UGT2A3: variants seen among roughly 807,000 people sequenced by gnomAD.
UGT2A3 encodes the protein UDP-glucuronosyltransferase 2A3.
UGT2A3 carries 55 observed loss-of-function variants against 44.1 expected under a neutral mutation model. That is an observed-to-expected ratio of 1.25 (90% CI 1.00 to 1.56). UGT2A3 has a LOEUF of 1.56. Among genes scored for constraint, UGT2A3 ranks in the 40% most tolerant of loss-of-function variants. UGT2A3 has a pLI of 0.00. For missense variants in UGT2A3, 733 were observed against 621.6 expected, an observed-to-expected ratio of 1.18 and a Z score of -1.91; for synonymous variants, 243 against 215.1, an observed-to-expected ratio of 1.13 and a Z score of -1.13.
rs751866419 is a variant in UGT2A3 at position 68,951,296 on chromosome 4, T to G, written c.465A>C (p.Gly155=). Residue 155 remains glycine, a synonymous_variant, in exon 1 of 6, where the codon GGA becomes GGC. Coordinates refer to ENST00000251566, the MANE Select transcript of UGT2A3 (RefSeq NM_024743.4). ...CTGCAAGCAACTCAGCCATCAGGTC[T>G]CCACAGGGAATCACAGGGTCTATAA... ...VMLIDPVIPC[G]DLMAELLAVP... 2.5e-6 allele frequency: 4 copies of G among 1,612,132 alleles called. No homozygotes were observed. The Admixed American group carries it at 6.7e-5, about 27-fold the overall frequency.
rs371361591 is a variant in UGT2A3 at position 68,947,358 on chromosome 4, G to A, written c.716-1904C>T. On this transcript the variant is annotated intron_variant, in intron 1 of 5. Transcript: ENST00000251566. ...ACTGTTTAAAAAGCACCTCCTCACC[G>A]GTTTTACAGGTTTTAGTTTTATCAT... Among the ~76,000 whole-genome samples the A allele has an allele frequency of 1.3e-4, 19 of 151,722 alleles. No individual in the cohort carries two copies. In the South Asian group the frequency reaches 3.1e-3, roughly 25 times the overall value.
At position 68,930,066 on chromosome 4, in the gene UGT2A3, G is replaced by GTTC; in HGVS notation, c.1330_1331insGAA (p.Ser444delinsTer). On this transcript the variant is annotated stop_gained, in exon 6 of 6. Coordinates refer to ENST00000251566, the MANE Select transcript of UGT2A3 (RefSeq NM_024743.4). LOFTEE classifies it low-confidence loss of function (END_TRUNC). ...TACAGGTTGATCATGGTGAATTCTT[G>GTTC]ATAATCTCATAGCATTCTCTTTATA... 6.2e-7 allele frequency: 1 copy of GTTC among 1,612,454 alleles called. No homozygotes were observed. The highest frequency in any genetic ancestry group is 1.3e-5 in the African/African-American group (1 of 74,932).
Position 68,943,282 on chromosome 4 carries a change from C to T in UGT2A3, c.864+2024G>A, listed in dbSNP as rs1373287622. 8.0e-6 allele frequency: 10 copies of T among 1,253,234 alleles called. No individual in the cohort carries two copies. The Admixed American group carries it at 2.4e-4, about 30-fold the overall frequency. 77.6% of individuals were successfully genotyped at this position (1,253,234 alleles called of 1,614,324 possible). ...AGGGTAGAATGGCATGGGAGATTAC[C>T]TAGAGAATGATGGAAATTGTCAGCT... is the stretch of plus-strand genomic sequence containing the variant. On this transcript the variant is annotated intron_variant, in intron 2 of 5. Coordinates refer to ENST00000251566, the MANE Select transcript of UGT2A3 (RefSeq NM_024743.4).
At position 68,951,457 on chromosome 4, in the gene UGT2A3, AT is replaced by A; in HGVS notation, c.303del (p.Leu101PhefsTer8). On this transcript the variant is annotated frameshift_variant, in exon 1 of 6. Transcript: ENST00000251566. LOFTEE classifies it high-confidence loss of function. The part of the protein sequence containing the change: ...VDLALNVLPG[L>X]STWQSVIKLN... ...AATTTTATAACTGATTGCCAGGTTG[AT>A]AAGCCTGGCAAGACATTCAGAGCTA... The A allele has an allele frequency of 6.2e-7, 1 of 1,612,348 alleles. No homozygotes were observed. The highest frequency in any genetic ancestry group is 2.2e-5 in the East Asian group (1 of 44,700).
chr4:68,930,022 CTGCT>C lies in UGT2A3; in HGVS notation c.1371_1374del (p.Ala458SerfsTer31). 2 of 1,613,556 alleles carry C rather than the reference CTGCT, an allele frequency of 1.2e-6. No individual in the cohort carries two copies. Among genetic ancestry groups the C allele is most frequent in the Non-Finnish European group, 1.7e-6 (2 of 1,179,648 alleles). ...CGCATGACAAACTCGATCCAGAAGA[CTGCT>C]CGATCTAGGGGCTTTACAGGTTGAT... On this transcript the variant is annotated frameshift_variant, in exon 6 of 6. Transcript: ENST00000251566. LOFTEE classifies it low-confidence loss of function (END_TRUNC).
chr4:68,936,888 C>CAAAAAAAAA (rs56737078), intron 2 of UGT2A3, among the ~76,000 whole-genome samples: 5 of 46,340 alleles, frequency 1.1e-4, no homozygotes, highest in Admixed American at 6.7e-4. Flanking sequence ...AAATGGAAAG[C>CAAAAAAAAA]AAAAAAAAAA....
chr4:68,937,078 G>C (rs1282597652), intron 2 of UGT2A3, among the ~76,000 whole-genome samples: 1 of 151,916 alleles, frequency 6.6e-6, no homozygotes, highest in African/African-American at 2.4e-5. Flanking sequence ...CATAAAGCAA[G>C]TCCTGAGAGA....
In UGT2A3 at chr4:68,951,381, C is replaced by T. The variant is rs1307390066; in HGVS notation, c.380G>A (p.Ser127Asn). ...CATAAGCGTCTGATTGTAGATAAAG[C>T]TCTCACACATCATTTTTAAAGTTCC... ...IRGTLKMMCE[S>N]FIYNQTLMKK... The change falls in exon 1 of 6, where the codon AGC (serine) becomes AAC (asparagine). Residue 127 changes from serine to asparagine, a missense_variant. Transcript: ENST00000251566. 6.2e-7 allele frequency: 1 copy of T among 1,612,462 alleles called. No individual in the cohort carries two copies. The highest frequency in any genetic ancestry group is 1.7e-5 in the Admixed American group (1 of 59,746).
rs765619927 is a variant in UGT2A3, at chr4:68,930,085, C to T, written c.1312G>A (p.Glu438Lys). 4 of 1,604,004 alleles carry T rather than the reference C, an allele frequency of 2.5e-6. No individual in the cohort carries two copies. Among genetic ancestry groups the T allele is most frequent in the Non-Finnish European group, 3.4e-6 (4 of 1,174,748 alleles). ...ATTCTTGATAATCTCATAGCATTCT[C>T]TTTATAACTGGAAGGGAAAAACACA... The part of the protein sequence containing the change: ...RTVITDSSYK[E>K]NAMRLSRIHH... The change falls in exon 6 of 6, where the codon GAG (glutamate) becomes AAG (lysine). Residue 438 changes from glutamate (E) to lysine (K), a missense_variant. Transcript: ENST00000251566.
chr4:68,936,888 C>CAAA (rs56737078), intron 2 of UGT2A3, among the ~76,000 whole-genome samples: 1,461 of 46,222 alleles, frequency 0.032, 175 homozygotes, highest in Non-Finnish European at 0.035. Context: ...AAATGGAAAG[C>CAAA]AAAAAAAAAA....
chr4:68,943,469 C>T (rs1270111134), intron 2 of UGT2A3: 11 of 448,672 alleles, frequency 2.5e-5, no homozygotes, highest in Non-Finnish European at 3.7e-5. Flanking sequence ...TTCTGGAAAT[C>T]CTACTGGCTC....
At position 68,935,513 on chromosome 4, in the gene UGT2A3, A is replaced by G. The variant is rs573056251; in HGVS notation, c.865-2754T>C. Among the ~76,000 whole-genome samples, 3 of 151,714 alleles carry G rather than the reference A, an allele frequency of 2.0e-5. No individual in the cohort carries two copies. In the South Asian group the frequency reaches 6.3e-4, roughly 32 times the overall value. ...CTAACAAACAGAAAGAAATAACATC[A>G]AAATCAATAAAAAGGACATCCACAC... On this transcript the variant is annotated intron_variant, in intron 2 of 5. Transcript: ENST00000251566.
chr4:68,931,018 C>G, intron 4 of UGT2A3, 137 bp downstream of exon 4: 1 of 778,754 alleles, frequency 1.3e-6, no homozygotes, highest in Non-Finnish European at 2.0e-6. Context: ...TTAGTCAATC[C>G]TTTAATTATA....
At chr4:68,930,226 G>T (rs1182817986) in intron 5 of UGT2A3, 134 bp from the exon 6 acceptor site, 116 of 1,059,504 alleles carry the variant, frequency 1.1e-4, no homozygotes, top group Non-Finnish European at 1.4e-4. Context: ...GTTGTGACAT[G>T]AATATTGTTG....
chr4:68,935,278 A>ATG (rs1329840940), intron 2 of UGT2A3, among the ~76,000 whole-genome samples: 1,380 of 49,332 alleles, frequency 0.028, 8 homozygotes, highest in Non-Finnish European at 0.032. Context: ...GTATGTATGT[A>ATG]TATATATATA....
At chr4:68,943,304 A>T in intron 2 of UGT2A3, 1 of 1,268,524 alleles carries the variant, frequency 7.9e-7, no homozygotes, top group Non-Finnish European at 1.0e-6. Context: ...GGAAATTGTC[A>T]GCTCTCCTTC....
chr4:68,940,764 C>G (rs917706533), intron 2 of UGT2A3, among the ~76,000 whole-genome samples: 1 of 146,630 alleles, frequency 6.8e-6, no homozygotes, highest in African/African-American at 2.5e-5. Flanking sequence ...ATAATATACA[C>G]ATATATACAT....
Position 68,933,350 on chromosome 4 carries a change from A to G in UGT2A3, c.865-591T>C, listed in dbSNP as rs528457769. ...CACAGAAAACTTCCCTGTACCTGCA[A>G]TTACACAGGTGGAAGAAAATAGTTG... On this transcript the variant is annotated intron_variant, in intron 2 of 5. Transcript: ENST00000251566. 6.6e-5 allele frequency among the ~76,000 whole-genome samples: 10 copies of G among 152,212 alleles called. No homozygotes were observed. The East Asian group carries it at 1.4e-3, about 21-fold the overall frequency.
At chr4:68,942,514 TATATATATATATATATATATATATAC>T (rs1017369101) in intron 2 of UGT2A3, among the ~76,000 whole-genome samples, 2 of 11,798 alleles carry the variant, frequency 1.7e-4, no homozygotes, top group African/African-American at 2.5e-4. Flanking sequence ...GATATATATA[TATATATATATATATATATATATATAC>T]ATTTTCCAAT....
Sources: gnomAD v4.1 joint callset for allele counts (sites outside exome capture counted in the v4.1 genomes callset) on GRCh38, gnomAD v4.1.1 for gene constraint, MANE v1.5 for transcripts, NCBI Gene and HGNC (gene_info 2026-07-23, HGNC 2026-07-21) for gene names.